Variants in ATP6V1H observed in about 807,000 individuals in gnomAD.
The protein encoded by ATP6V1H is V-type proton ATPase subunit H.
Under a neutral mutation model 71.7 loss-of-function variants are expected in ATP6V1H, and 39 were observed. The ratio of observed to expected loss-of-function variants is 0.54; its 90% CI spans 0.42 to 0.71. The LOEUF (loss-of-function observed/expected upper bound fraction) is 0.71. ATP6V1H is among the 30% of genes least tolerant of loss of function. ATP6V1H has a pLI of 0.00. For missense variants in ATP6V1H, 509 were observed against 594.9 expected (o/e 0.86, Z 1.50); for synonymous variants, 192 against 199.3 (o/e 0.96, Z 0.31).
chr8:53,841,022 A>G (rs1176597362), intron 2 of ATP6V1H, among the ~76,000 whole-genome samples: 1 of 152,198 alleles, frequency 6.6e-6, no homozygotes, highest in African/African-American at 2.4e-5. Flanking sequence ...GCTAATAAAT[A>G]CATTATTTCA....
intron 13 of ATP6V1H, among the ~76,000 whole-genome samples, chr8:53,719,405 G>A (rs954168198): frequency 3.9e-5 from 6 of 152,260 alleles, no homozygotes; most frequent in African/African-American, 1.4e-4. Flanking sequence ...TCCTGACCTC[G>A]TGATCTGCCT....
chr8:53,732,648 C>T (rs991671813), intron 13 of ATP6V1H, among the ~76,000 whole-genome samples: 7 of 139,004 alleles, frequency 5.0e-5, no homozygotes, highest in African/African-American at 1.9e-4. Context: ...CCCTGTTTAA[C>T]AGCTTATTGC....
At chr8:53,768,943 A>G (rs1585765484) in intron 11 of ATP6V1H, among the ~76,000 whole-genome samples, 1 of 152,188 alleles carries the variant, frequency 6.6e-6, no homozygotes, top group South Asian at 2.1e-4. Flanking sequence ...CCTCACTAAA[A>G]AAAGAAAGAA....
intron 12 of ATP6V1H, among the ~76,000 whole-genome samples, chr8:53,750,318 G>A (rs1483531379): frequency 6.6e-6 from 1 of 152,084 alleles, no homozygotes; most frequent in African/African-American, 2.4e-5. Flanking sequence ...AGTGAAAAGG[G>A]TTCCACGTTA....
At chr8:53,829,705 C>A (rs1810943988) in intron 3 of ATP6V1H, among the ~76,000 whole-genome samples, 172 bp from the exon 4 acceptor site, 1 of 152,048 alleles carries the variant, frequency 6.6e-6, no homozygotes, top group South Asian at 2.1e-4. Context: ...TATGAGAGGA[C>A]CTTACTATGG....
intron 4 of ATP6V1H, among the ~76,000 whole-genome samples, chr8:53,826,854 A>G (rs1810836811): frequency 6.6e-6 from 1 of 151,854 alleles, no homozygotes; most frequent in African/African-American, 2.4e-5. Context: ...CTGGAGGCAG[A>G]GGCAGGAGAA....
At chr8:53,746,291 A>C (rs1409859846) in intron 12 of ATP6V1H, among the ~76,000 whole-genome samples, 1 of 151,540 alleles carries the variant, frequency 6.6e-6, no homozygotes, top group East Asian at 1.9e-4. Context: ...TGAGACAAGA[A>C]TCTTGCTTTG....
At chr8:53,781,242 G>A (rs1413859407) in intron 9 of ATP6V1H, among the ~76,000 whole-genome samples, 5 of 152,190 alleles carry the variant, frequency 3.3e-5, no homozygotes, top group South Asian at 2.1e-4. Context: ...TCTAACTGGT[G>A]TGAGATGGTA....
At chr8:53,807,808 TA>T (rs1242437264) in intron 7 of ATP6V1H, among the ~76,000 whole-genome samples, 5 of 152,214 alleles carry the variant, frequency 3.3e-5, no homozygotes, top group Non-Finnish European at 5.9e-5. Context: ...GCATGTGAAA[TA>T]TATTTCAATA....
At chr8:53,779,533 A>T (rs555896652) in intron 9 of ATP6V1H, among the ~76,000 whole-genome samples, 34 of 150,782 alleles carry the variant, frequency 2.3e-4, no homozygotes, top group Non-Finnish European at 4.0e-4. Context: ...CAGATTATTT[A>T]TAATTCTTCT....
At chr8:53,745,863 T>C (rs1009521105) in intron 12 of ATP6V1H, among the ~76,000 whole-genome samples, 1 of 152,184 alleles carries the variant, frequency 6.6e-6, no homozygotes, top group Non-Finnish European at 1.5e-5. Flanking sequence ...CGACTCCAAT[T>C]ATTCACCACT....
At position 53,721,401 on chromosome 8, in the gene ATP6V1H, T is replaced by A. The variant is rs545386430; in HGVS notation, c.1392-5377A>T. Among the ~76,000 whole-genome samples, 12 of 152,342 alleles carry A rather than the reference T, an allele frequency of 7.9e-5. No individual in the cohort carries two copies. In the East Asian group the frequency reaches 1.9e-3, roughly 24 times the overall value. ...AAGAGTAAGTACTATATAGTCCAAC[T>A]CTTTCTACAGTATTTTTATGTCAGC... On this transcript the variant is annotated intron_variant, in intron 13 of 13. Coordinates refer to ENST00000359530, the MANE Select transcript of ATP6V1H (RefSeq NM_015941.4).
intron 1 of ATP6V1H, chr8:53,842,579 T>G (rs1484155924): frequency 2.6e-5 from 4 of 152,160 alleles, no homozygotes; most frequent in African/African-American, 4.8e-5. Flanking sequence ...ATTTGCTGTA[T>G]AAACAACCCT....
chr8:53,769,777 A>G (rs1330893651), intron 10 of ATP6V1H, 34 bp from the exon 11 acceptor site: 1 of 1,564,078 alleles, frequency 6.4e-7, no homozygotes, highest in South Asian at 1.2e-5. Context: ...CAAGGTTTAT[A>G]AGAATCTGAC....
chr8:53,803,778 TA>T (rs1389317110), intron 7 of ATP6V1H, among the ~76,000 whole-genome samples: 1 of 151,910 alleles, frequency 6.6e-6, no homozygotes, highest in Non-Finnish European at 1.5e-5. Flanking sequence ...AATGAAAAAA[TA>T]TTTTTTTTTC....
chr8:53,722,135 A>T (rs1382658471), intron 13 of ATP6V1H, among the ~76,000 whole-genome samples: 1 of 152,212 alleles, frequency 6.6e-6, no homozygotes, highest in East Asian at 1.9e-4. Flanking sequence ...AATGCCACTA[A>T]ACAAAGTGTG....
chr8:53,836,880 C>G (rs189547660), intron 2 of ATP6V1H, among the ~76,000 whole-genome samples: 2 of 152,278 alleles, frequency 1.3e-5, no homozygotes, highest in Admixed American at 1.3e-4. Context: ...GTGGCTCATG[C>G]CTGTAATCCC....
intron 6 of ATP6V1H, among the ~76,000 whole-genome samples, chr8:53,812,355 T>C (rs1349002209): frequency 2.0e-5 from 3 of 152,240 alleles, no homozygotes; most frequent in Admixed American, 1.3e-4. Context: ...CAGAAAATAC[T>C]TGAAGAGCAT....
chr8:53,802,276 A>T (rs1809935196), intron 7 of ATP6V1H, among the ~76,000 whole-genome samples: 1 of 152,254 alleles, frequency 6.6e-6, no homozygotes, highest in Non-Finnish European at 1.5e-5. Flanking sequence ...ATCAAAGAAC[A>T]ATAAAATTAA....
Sources: gnomAD v4.1 joint callset for allele counts (sites outside exome capture counted in the v4.1 genomes callset) on GRCh38, gnomAD v4.1.1 for gene constraint, MANE v1.5 for transcripts, NCBI Gene and HGNC (gene_info 2026-07-23, HGNC 2026-07-21) for gene names.